The following IPO13 variants were observed in gnomAD, a reference collection of about 807,000 sequenced individuals.
The protein encoded by IPO13 is importin-13.
A neutral mutation model predicts 115.5 loss-of-function variants in IPO13; 28 were observed. The ratio of observed to expected loss-of-function variants is 0.24; its 90% CI spans 0.18 to 0.33. The LOEUF is 0.33. Ranked by LOEUF, IPO13 falls within the 10% of genes least tolerant of loss-of-function variation. The probability of loss-of-function intolerance (pLI) is 1.00; values close to 1 mark genes in which losing one functional copy is unlikely to be tolerated. For missense variants in IPO13, 785 were observed against 1,204.6 expected (o/e 0.65, Z 5.16); for synonymous variants, 414 against 478.9 (o/e 0.86, Z 1.77).
At chr1:43,962,485 T>C (rs1043205069) in intron 14 of IPO13, among the ~76,000 whole-genome samples, 2 of 152,222 alleles carry the variant, frequency 1.3e-5, no homozygotes, top group Non-Finnish European at 2.9e-5. Context: ...TTGTTCCCAT[T>C]GCCCTCAGCT....
Position 43,956,865 on chromosome 1 carries a change from G to A in IPO13, c.1160G>A (p.Arg387Gln), listed in dbSNP as rs1462508979. 3 of 1,614,070 alleles carry A rather than the reference G, an allele frequency of 1.9e-6. No individual in the cohort carries two copies. Among genetic ancestry groups the A allele is most frequent in the South Asian group, 1.1e-5 (1 of 91,086 alleles). ...EKQAVYQQVY[R>Q]PVYFQLVDVL... ...CAGGCTGTATACCAGCAGGTGTACC[G>A]GCCAGTCTACTTCCAGCTGGTGGAT... The change falls in exon 5 of 20, where the codon CGG becomes CAG. Residue 387 changes from arginine to glutamine, a missense_variant. Physicochemically the swap from Arg to Gln is conservative, Grantham distance 43 (BLOSUM62 1). This residue lies in a region of IPO13 where 175 missense variants were observed against 360.0 expected (regional missense o/e 0.49). Transcript: ENST00000372343. The surrounding 1 kb of genome is among the most constrained non-coding windows in gnomAD (Gnocchi z 4.7).
chr1:43,962,544 G>A (rs2085297159), intron 14 of IPO13, among the ~76,000 whole-genome samples: 1 of 151,980 alleles, frequency 6.6e-6, no homozygotes, highest in African/African-American at 2.4e-5. Context: ...TGCCTCTAAT[G>A]TCCTCTCCTG....
At position 43,967,221 on chromosome 1, in the gene IPO13, G is replaced by T; in HGVS notation, c.2614-94G>T. The T allele has an allele frequency of 2.9e-6, 4 of 1,378,626 alleles. No individual in the cohort carries two copies. Among genetic ancestry groups the T allele is most frequent in the Non-Finnish European group, 4.1e-6 (4 of 983,150 alleles). 85.4% of individuals were successfully genotyped at this position (1,378,626 alleles called of 1,614,324 possible). A position where few individuals can be genotyped will look rare whatever the true frequency, so the allele number is the denominator to read the frequency against. Reference sequence around the variant, plus strand: ...AGCGCTCACTGTGATGTGCAGTTTGGCTTAGGAACTGTCCAGAGGGCAGTT... The same window carrying T: ...AGCGCTCACTGTGATGTGCAGTTTGTCTTAGGAACTGTCCAGAGGGCAGTT... On this transcript the variant is annotated intron_variant, in intron 18 of 19. Coordinates refer to ENST00000372343, the MANE Select transcript of IPO13 (RefSeq NM_014652.4). The surrounding 1 kb of genome is among the most constrained non-coding windows in gnomAD (Gnocchi z 6.1).
chr1:43,956,882 C>T lies in IPO13; in HGVS notation c.1177C>T (p.Leu393=). Residue 393 remains leucine (L), a synonymous_variant, in exon 5 of 20, where the codon CTG becomes TTG. Coordinates refer to ENST00000372343, the MANE Select transcript of IPO13 (RefSeq NM_014652.4). The surrounding 1 kb of genome is among the most constrained non-coding windows in gnomAD (Gnocchi z 4.7). ...QQVYRPVYFQ[L]VDVLLHKAQF... ...GGTGTACCGGCCAGTCTACTTCCAG[C>T]TGGTGGATGTGCTTCTGCACAAGGC... The T allele has an allele frequency of 6.2e-7, 1 of 1,614,238 alleles. No individual in the cohort carries two copies. Among genetic ancestry groups the T allele is most frequent in the African/African-American group, 1.3e-5 (1 of 75,064 alleles).
chr1:43,957,350 G>T (rs1191408073), intron 6 of IPO13, 35 bp downstream of exon 6: 1 of 1,613,292 alleles, frequency 6.2e-7, no homozygotes, highest in Non-Finnish European at 8.5e-7. Context: ...AGCCTTCCCA[G>T]ACCTGTCACA....
chr1:43,967,832 G>A lies in IPO13; in HGVS notation c.*150G>A. ...TCCAGAAGGCCTGGGGGAAGGATGG[G>A]AGGATGCTTGGACCCAGGCCTTGGG... On this transcript the variant is annotated 3_prime_UTR_variant, in exon 20 of 20. Transcript: ENST00000372343. This position sits in a 1 kb window ranked among gnomAD's most constrained non-coding sequence, Gnocchi z 6.1. The A allele has an allele frequency of 2.8e-6, 2 of 727,072 alleles. No individual in the cohort carries two copies. Among genetic ancestry groups the A allele is most frequent in the Non-Finnish European group, 2.4e-6 (1 of 425,384 alleles). 45.0% of individuals were successfully genotyped at this position (727,072 alleles called of 1,614,324 possible).
In IPO13 at chr1:43,967,916, G is replaced by T; in HGVS notation, c.*234G>T. 1 of 586,550 alleles carries T rather than the reference G, an allele frequency of 1.7e-6. No homozygotes were observed. The highest frequency in any genetic ancestry group is 2.0e-5 in the South Asian group (1 of 49,262). The allele number at this position is 586,550 out of a possible 1,614,324, so 36.3% of individuals were successfully genotyped here. On this transcript the variant is annotated 3_prime_UTR_variant, in exon 20 of 20. Coordinates refer to ENST00000372343, the MANE Select transcript of IPO13 (RefSeq NM_014652.4). The surrounding 1 kb of genome is among the most constrained non-coding windows in gnomAD (Gnocchi z 6.1). The stretch of plus-strand genomic sequence containing the variant: ...TTGGAAGAGATACTACTGTAGCCAA[G>T]CCACCTAGGCTGGAGCCCTTCAGAA...
At chr1:43,954,471 A>G (rs546544232) in intron 2 of IPO13, among the ~76,000 whole-genome samples, 1 of 152,284 alleles carries the variant, frequency 6.6e-6, no homozygotes, top group East Asian at 1.9e-4. Context: ...GGGCAAGTCC[A>G]GATAGAACTC....
At chr1:43,963,707 T>G (rs561844102) in intron 14 of IPO13, among the ~76,000 whole-genome samples, 5 of 152,306 alleles carry the variant, frequency 3.3e-5, no homozygotes, top group African/African-American at 9.6e-5. Context: ...ACTGAATAGA[T>G]TATTTTCCTT....
Position 43,947,325 on chromosome 1 carries a change from C to T in IPO13, c.-276C>T, listed in dbSNP as rs1044154243. On this transcript the variant is annotated 5_prime_UTR_variant, in exon 1 of 20. Coordinates refer to ENST00000372343, the MANE Select transcript of IPO13 (RefSeq NM_014652.4). ...ACAGATTCTGGGGACAGAGCTGTTA[C>T]CTGCCACTAGGATCCCCGCCTGAGA... The T allele has an allele frequency of 5.0e-5, 20 of 399,064 alleles. No homozygotes were observed. Among genetic ancestry groups the T allele is most frequent in the Middle Eastern group, 6.2e-4 (1 of 1,610 alleles). The allele number at this position is 399,064 out of a possible 1,614,324, so 24.7% of individuals were successfully genotyped here.
Position 43,957,309 on chromosome 1 carries a change from C to G in IPO13, c.1386C>G (p.Ser462=). Residue 462 remains serine (S), a synonymous_variant, in exon 6 of 20, where the codon TCC becomes TCG. Coordinates refer to ENST00000372343, the MANE Select transcript of IPO13 (RefSeq NM_014652.4). ...RLLTSSEEPY[S]WQHTEALLYG... ...TCACCAGCTCAGAGGAGCCCTACTC[C>G]TGGCAGGTACCTCCCAAGCCTGATT... The G allele has an allele frequency of 2.5e-6, 4 of 1,613,948 alleles. No individual in the cohort carries two copies. In the African/African-American group the frequency reaches 4.0e-5, roughly 16 times the overall value.
intron 15 of IPO13, 40 bp downstream of exon 15, chr1:43,964,361 CT>C (rs527756428): frequency 1.1e-4 from 160 of 1,414,578 alleles, no homozygotes; most frequent in East Asian, 6.6e-4. Flanking sequence ...TGTTCTCTCT[CT>C]TTCTCTTTCT....
At chr1:43,954,118 A>G (rs1286450175) in intron 2 of IPO13, among the ~76,000 whole-genome samples, 3 of 152,202 alleles carry the variant, frequency 2.0e-5, no homozygotes, top group Non-Finnish European at 4.4e-5. Context: ...GTGGGGAGCT[A>G]TGGGAGTAGA....
At position 43,967,320 on chromosome 1, in the gene IPO13, T is replaced by C. The variant is rs1319604616; in HGVS notation, c.2619T>C (p.Ile873=). The change falls in exon 19 of 20, where the codon ATT becomes ATC. Residue 873 remains isoleucine, a synonymous_variant. Transcript: ENST00000372343. This position sits in a 1 kb window ranked among gnomAD's most constrained non-coding sequence, Gnocchi z 6.1. ...RMLLIAVLEA[I]GGQASRSLMD... ...TGAGAACCCCTCTCCCTCAGGCCAT[T>C]GGGGGCCAGGCCTCCCGCAGCCTCA... is the stretch of plus-strand genomic sequence containing the variant. 3 of 1,612,894 alleles carry C rather than the reference T, an allele frequency of 1.9e-6. No individual in the cohort carries two copies. Among genetic ancestry groups the C allele is most frequent in the Non-Finnish European group, 2.5e-6 (3 of 1,179,200 alleles).
intron 6 of IPO13, 32 bp downstream of exon 6, chr1:43,957,347 C>T (rs755114546): frequency 7.9e-5 from 128 of 1,613,362 alleles, no homozygotes; most frequent in Non-Finnish European, 1.1e-4. Flanking sequence ...CTCAGCCTTC[C>T]CAGACCTGTC....
rs978614315 is a variant in IPO13, at chr1:43,947,486, C to G, written c.-115C>G. On this transcript the variant is annotated 5_prime_UTR_variant, in exon 1 of 20. Coordinates refer to ENST00000372343, the MANE Select transcript of IPO13 (RefSeq NM_014652.4). The stretch of plus-strand genomic sequence containing the variant: ...GCAGCCATGCCCGCCCTGGGCCCCC[C>G]CTCACCCCACCACTCCCTGGGCACC... The G allele has an allele frequency of 4.4e-5, 24 of 544,888 alleles. No individual in the cohort carries two copies. The East Asian group carries it at 8.4e-4, about 19-fold the overall frequency. 33.8% of individuals were successfully genotyped at this position (544,888 alleles called of 1,614,324 possible).
At position 43,947,433 on chromosome 1, in the gene IPO13, C is replaced by T. The variant is rs2085174740; in HGVS notation, c.-168C>T. 1 of 404,564 alleles carries T rather than the reference C, an allele frequency of 2.5e-6. No individual in the cohort carries two copies. Among genetic ancestry groups the T allele is most frequent in the African/African-American group, 2.1e-5 (1 of 48,716 alleles). The allele number at this position is 404,564 out of a possible 1,614,324, so 25.1% of individuals were successfully genotyped here. A position where few individuals can be genotyped will look rare whatever the true frequency, so the allele number is the denominator to read the frequency against. The stretch of plus-strand genomic sequence containing the variant: ...CAATTTTGGTCTCTGGCAAGCCTCC[C>T]ACCCCCAAACGAGGTGGGGAGGCCT... On this transcript the variant is annotated 5_prime_UTR_variant, in exon 1 of 20. Coordinates refer to ENST00000372343, the MANE Select transcript of IPO13 (RefSeq NM_014652.4).
chr1:43,949,351 C>G (rs949425875), intron 1 of IPO13, 66 bp from the exon 2 acceptor site: 52 of 1,505,608 alleles, frequency 3.5e-5, no homozygotes, highest in Non-Finnish European at 4.4e-5. Flanking sequence ...CAAGTCACGC[C>G]TCTGTTCTGG....
chr1:43,949,867 A>G lies in IPO13; in HGVS notation c.535A>G (p.Thr179Ala). 1 of 1,612,814 alleles carries G rather than the reference A, an allele frequency of 6.2e-7. No homozygotes were observed. Residue 179 changes from threonine to alanine, a missense_variant, in exon 2 of 20, where the codon ACC becomes GCC. Physicochemically the swap from Thr to Ala is moderately conservative, Grantham distance 58. This residue lies in a region of IPO13 where 325 missense variants were observed against 449.8 expected (regional missense o/e 0.72). Transcript: ENST00000372343. The part of the protein sequence containing the change: ...LLTVLPEEFQ[T>A]SRLPQYRKGL... ...GACAGTGCTGCCTGAGGAGTTCCAG[A>G]CCAGTCGCCTACCCCAGTACCGCAA...
Sources: gnomAD v4.1 joint callset for allele counts (sites outside exome capture counted in the v4.1 genomes callset) on GRCh38, gnomAD v4.1.1 for gene constraint, gnomAD v4.1.1 regional missense constraint, Gnocchi (gnomAD v3.1) non-coding constraint, MANE v1.5 for transcripts, NCBI Gene and HGNC (gene_info 2026-07-23, HGNC 2026-07-21) for gene names.